C9orf152: variants seen among roughly 807,000 people sequenced by gnomAD.
C9orf152 encodes uncharacterized protein C9orf152.
Under a neutral mutation model 8.5 loss-of-function variants are expected in C9orf152, and 8 were observed. The ratio of observed to expected loss-of-function variants is 0.94; its 90% CI spans 0.55 to 1.70. C9orf152 has a LOEUF of 1.70. Among genes scored for constraint, C9orf152 ranks in the 40% most tolerant of loss-of-function variants. The pLI is 0.00. For missense variants in C9orf152, 293 were observed against 286.2 expected (o/e 1.02, Z -0.17); for synonymous variants, 109 against 113.0 (o/e 0.96, Z 0.22).
chr9:110,202,241 C>T (rs1018643849), intron 1 of C9orf152, among the ~76,000 whole-genome samples: 1 of 152,182 alleles, frequency 6.6e-6, no homozygotes, highest in Non-Finnish European at 1.5e-5. Flanking sequence ...GCCACCATGC[C>T]TGACTACTTT....
intron 1 of C9orf152, among the ~76,000 whole-genome samples, chr9:110,204,513 A>C (rs1837254435): frequency 6.6e-6 from 1 of 152,154 alleles, no homozygotes. Context: ...TTTTTGCTGC[A>C]CTGGGCACTG....
In C9orf152 at chr9:110,207,438, C is replaced by A. The variant is rs1427484127; in HGVS notation, c.142G>T (p.Gly48Cys). ...SIQFLRAQYE[G>C]LKRQQRTQAH... The stretch of plus-strand genomic sequence containing the variant: ...TGGGTCCTCTGCTGCCTCTTCAAGC[C>A]TTCATACTGGGCTCGCAGGAACTGG... The change falls in exon 1 of 2, where the codon GGC (glycine) becomes TGC (cysteine). Residue 48 changes from glycine to cysteine, a missense_variant. Transcript: ENST00000400613. 6.2e-6 allele frequency: 10 copies of A among 1,613,512 alleles called. No homozygotes were observed. The highest frequency in any genetic ancestry group is 4.5e-5 in the East Asian group (2 of 44,830).
At chr9:110,202,843 C>T (rs1287234512) in intron 1 of C9orf152, among the ~76,000 whole-genome samples, 1 of 151,872 alleles carries the variant, frequency 6.6e-6, no homozygotes, top group Non-Finnish European at 1.5e-5. Flanking sequence ...GAAAGAAGCC[C>T]CTGAGCTCCA....
intron 1 of C9orf152, among the ~76,000 whole-genome samples, chr9:110,201,885 C>G (rs1184119365): frequency 6.6e-6 from 1 of 152,012 alleles, no homozygotes; most frequent in African/African-American, 2.4e-5. Flanking sequence ...AAATCTCAAG[C>G]ATAATAGAGG....
intron 1 of C9orf152, 51 bp downstream of exon 1, chr9:110,207,336 T>G (rs1257612636): frequency 6.4e-7 from 1 of 1,572,428 alleles, no homozygotes; most frequent in East Asian, 2.3e-5. Flanking sequence ...GCTCTGCCAC[T>G]CAGGTCTCCC....
At chr9:110,206,405 A>G (rs1837274814) in intron 1 of C9orf152, among the ~76,000 whole-genome samples, 1 of 152,202 alleles carries the variant, frequency 6.6e-6, no homozygotes, top group Non-Finnish European at 1.5e-5. Flanking sequence ...GAATAACTGA[A>G]TGAATAAATA....
At position 110,201,304 on chromosome 9, in the gene C9orf152, C is replaced by G. The variant is rs752224113; in HGVS notation, c.364G>C (p.Glu122Gln). ...GAGGTTTGGACCAAACAATGCATCT[C>G]CAGGTGCGTGTGCCATGGAGACTTG... ...APKSPWHTHLEMHCLVQTSPQ... is the reference protein window; with the variant it reads ...APKSPWHTHLQMHCLVQTSPQ... Residue 122 changes from glutamate to glutamine, a missense_variant, in exon 2 of 2, where the codon GAG (glutamate) becomes CAG (glutamine). Physicochemically the swap from Glu to Gln is conservative, Grantham distance 29 (BLOSUM62 2). Transcript: ENST00000400613. The G allele has an allele frequency of 1.3e-4, 202 of 1,613,714 alleles. No individual in the cohort carries two copies. The highest frequency in any genetic ancestry group is 1.5e-4 in the Non-Finnish European group (182 of 1,179,872).
At chr9:110,202,591 CT>C (rs990667613) in intron 1 of C9orf152, among the ~76,000 whole-genome samples, 8 of 151,930 alleles carry the variant, frequency 5.3e-5, no homozygotes, top group South Asian at 2.1e-4. Context: ...TTCTTGGGGA[CT>C]TTTTTTTAAA....
chr9:110,204,856 A>T (rs1261841953), intron 1 of C9orf152, among the ~76,000 whole-genome samples: 1 of 152,156 alleles, frequency 6.6e-6, no homozygotes, highest in Non-Finnish European at 1.5e-5. Context: ...TGTAAATGGG[A>T]TTATACAGTA....
intron 1 of C9orf152, among the ~76,000 whole-genome samples, chr9:110,205,553 G>A (rs775031712): frequency 2.0e-5 from 3 of 152,128 alleles, no homozygotes; most frequent in Non-Finnish European, 4.4e-5. Context: ...ATACATATTA[G>A]TTCATTTTAT....
At position 110,201,116 on chromosome 9, in the gene C9orf152, A is replaced by T. The variant is rs200842034; in HGVS notation, c.552T>A (p.Asn184Lys). 2 of 1,614,032 alleles carry T rather than the reference A, an allele frequency of 1.2e-6. No homozygotes were observed. The highest frequency in any genetic ancestry group is 1.7e-6 in the Non-Finnish European group (2 of 1,180,050). The part of the protein sequence containing the change: ...EAAQLPCQVG[N>K]TQTKAVESGL... ...CAGATTCCACTGCCTTTGTTTGGGTATTGCCCACCTGGCATGGAAGCTGGG... is the reference window on the plus strand; with the variant it reads ...CAGATTCCACTGCCTTTGTTTGGGTTTTGCCCACCTGGCATGGAAGCTGGG... Residue 184 changes from asparagine to lysine, a missense_variant, in exon 2 of 2, where the codon AAT becomes AAA. Coordinates refer to ENST00000400613, the MANE Select transcript of C9orf152 (RefSeq NM_001012993.3).
chr9:110,204,884 G>T (rs1274631953), intron 1 of C9orf152, among the ~76,000 whole-genome samples: 2 of 152,178 alleles, frequency 1.3e-5, no homozygotes, highest in African/African-American at 4.8e-5. Flanking sequence ...TTTTGGGACT[G>T]ACTGACTTCA....
At chr9:110,202,083 G>C (rs997482511) in intron 1 of C9orf152, among the ~76,000 whole-genome samples, 6 of 151,946 alleles carry the variant, frequency 3.9e-5, no homozygotes, top group African/African-American at 1.4e-4. Context: ...TTGTTTGTTT[G>C]TTTGTTTGTT....
In C9orf152 at chr9:110,207,380, T is replaced by C; in HGVS notation, c.193+7A>G. 2 of 1,611,518 alleles carry C rather than the reference T, an allele frequency of 1.2e-6. No individual in the cohort carries two copies. The highest frequency in any genetic ancestry group is 1.7e-6 in the Non-Finnish European group (2 of 1,178,888). On this transcript the variant is annotated splice_region_variant and intron_variant, in intron 1 of 1. Coordinates refer to ENST00000400613, the MANE Select transcript of C9orf152 (RefSeq NM_001012993.3). ...TCTCTCCTTCCCCAGCACCTGTCCATTCCTACCTTTTGGAAGCACCAGGAG... is the reference window on the plus strand; with the variant it reads ...TCTCTCCTTCCCCAGCACCTGTCCACTCCTACCTTTTGGAAGCACCAGGAG...
chr9:110,203,203 T>G (rs1298751319), intron 1 of C9orf152, among the ~76,000 whole-genome samples: 2 of 151,968 alleles, frequency 1.3e-5, no homozygotes, highest in African/African-American at 4.8e-5. Flanking sequence ...TTTTGTATTT[T>G]TAGTAGAGAC....
intron 1 of C9orf152, among the ~76,000 whole-genome samples, chr9:110,202,744 T>C (rs1446754351): frequency 6.6e-6 from 1 of 152,146 alleles, no homozygotes; most frequent in Non-Finnish European, 1.5e-5. Flanking sequence ...GGTTCACTTA[T>C]CTGTTCCGGC....
rs1244816027 is a variant in C9orf152, at chr9:110,200,740, A to G, written c.*208T>C. 3.5e-6 allele frequency: 2 copies of G among 570,524 alleles called. No individual in the cohort carries two copies. Among genetic ancestry groups the G allele is most frequent in the African/African-American group, 3.8e-5 (2 of 53,270 alleles). The allele number at this position is 570,524 out of a possible 1,614,324, so 35.3% of individuals were successfully genotyped here. ...GACCAGACAGTCCTCTTCATCCTAA[A>G]CTGTGGGCAATTTGGCCTGGGAAGT... On this transcript the variant is annotated 3_prime_UTR_variant, in exon 2 of 2. Coordinates refer to ENST00000400613, the MANE Select transcript of C9orf152 (RefSeq NM_001012993.3).
chr9:110,204,901 A>C (rs913864140), intron 1 of C9orf152, among the ~76,000 whole-genome samples: 1 of 152,214 alleles, frequency 6.6e-6, no homozygotes, highest in African/African-American at 2.4e-5. Flanking sequence ...TTCACTCAGC[A>C]TAATGTCCTC....
intron 1 of C9orf152, among the ~76,000 whole-genome samples, chr9:110,201,906 G>C (rs1027427913): frequency 6.6e-6 from 1 of 152,178 alleles, no homozygotes; most frequent in African/African-American, 2.4e-5. Context: ...GTCAAACACT[G>C]AAGTGGAGGA....
Sources: gnomAD v4.1 joint callset for allele counts (sites outside exome capture counted in the v4.1 genomes callset) on GRCh38, gnomAD v4.1.1 for gene constraint, MANE v1.5 for transcripts, NCBI Gene and HGNC (gene_info 2026-07-23, HGNC 2026-07-21) for gene names.